Variants in EIF4G3 observed in about 807,000 individuals in gnomAD.
EIF4G3 encodes eIF-4-gamma 3.
Under a neutral mutation model 186.4 loss-of-function variants are expected in EIF4G3, and 34 were observed. That is an observed-to-expected ratio of 0.18 (90% CI 0.14 to 0.24). EIF4G3 has a LOEUF of 0.24. Among genes scored for constraint, EIF4G3 ranks in the 10% least tolerant of loss-of-function variants. The pLI is 1.00. For synonymous variants in EIF4G3, 673 were observed against 679.5 expected (o/e 0.99, Z 0.15); for missense variants, 1,536 against 1,948.5 (o/e 0.79, Z 3.99).
chr1:20,992,580 A>T (rs1241906576), intron 7 of EIF4G3, among the ~76,000 whole-genome samples: 2 of 152,130 alleles, frequency 1.3e-5, no homozygotes, highest in African/African-American at 4.8e-5. Flanking sequence ...GGTTTTATGA[A>T]GCTCATTATT....
In EIF4G3 at chr1:21,084,231, T is replaced by TA. The variant is rs763945357; in HGVS notation, c.-196+4906dup. ...TAGAACTACCTGAGACTGTGTAATT[T>TA]AAAAAAAAAAAAAAAAGAAAGAAAA... On this transcript the variant is annotated intron_variant, in intron 3 of 36. Coordinates refer to ENST00000602326, the MANE Select transcript of EIF4G3 (RefSeq NM_001391906.1). Among the ~76,000 whole-genome samples the TA allele has an allele frequency of 2.8e-3, 367 of 131,232 alleles. 2 individuals carry two copies. Among genetic ancestry groups the TA allele is most frequent in the Middle Eastern group, 0.012 (3 of 256 alleles). 86.1% of individuals were successfully genotyped at this position (131,232 alleles called of 152,430 possible).
At chr1:21,111,272 G>A (rs748281915) in intron 2 of EIF4G3, 1 of 470,690 alleles carries the variant, frequency 2.1e-6, no homozygotes, top group Non-Finnish European at 4.4e-6. Context: ...AGACTTTGAA[G>A]CTGGAAAAGA....
At chr1:20,862,620 T>C (rs1357741497) in intron 22 of EIF4G3, among the ~76,000 whole-genome samples, 2 of 152,084 alleles carry the variant, frequency 1.3e-5, no homozygotes, top group Non-Finnish European at 2.9e-5. Context: ...ATTATGTTGC[T>C]CAGGCTGGTC....
chr1:20,918,586 C>G (rs561587210), intron 14 of EIF4G3, among the ~76,000 whole-genome samples: 1 of 152,004 alleles, frequency 6.6e-6, no homozygotes, highest in South Asian at 2.1e-4. Flanking sequence ...CACTTAAAAT[C>G]CCTCCTAGCA....
chr1:21,155,586 C>CT (rs1416870003), intron 2 of EIF4G3, among the ~76,000 whole-genome samples: 1 of 152,076 alleles, frequency 6.6e-6, no homozygotes, highest in African/African-American at 2.4e-5. Flanking sequence ...ATCTCAGCCA[C>CT]TTGGGAGGCT....
chr1:20,818,180 G>A (rs772574491), intron 33 of EIF4G3, among the ~76,000 whole-genome samples: 1 of 152,014 alleles, frequency 6.6e-6, no homozygotes, highest in Non-Finnish European at 1.5e-5. Context: ...CTAGAAAAGG[G>A]TACAATTTCA....
chr1:21,016,630 G>C (rs565579728), intron 4 of EIF4G3, among the ~76,000 whole-genome samples: 25 of 152,196 alleles, frequency 1.6e-4, no homozygotes, highest in African/African-American at 6.0e-4. Context: ...CTGCACTCCA[G>C]CATGGGTGAC....
chr1:20,905,059 G>A (rs1031133940), intron 14 of EIF4G3, 88 bp from the exon 15 acceptor site: 1 of 999,250 alleles, frequency 1.0e-6, no homozygotes, highest in Non-Finnish European at 1.5e-6. Flanking sequence ...TTCAAATTAA[G>A]CAGGATAAAA....
intron 4 of EIF4G3, among the ~76,000 whole-genome samples, chr1:21,036,836 G>A (rs1423481138): frequency 1.3e-5 from 2 of 152,096 alleles, no homozygotes. Flanking sequence ...AGCCAAGATC[G>A]TGCCACTGCA....
At chr1:21,008,511 A>G (rs1222726516) in intron 4 of EIF4G3, among the ~76,000 whole-genome samples, 1 of 151,806 alleles carries the variant, frequency 6.6e-6, no homozygotes, top group Non-Finnish European at 1.5e-5. Context: ...TAATTTTTTT[A>G]TATTTTTAGT....
At position 21,090,899 on chromosome 1, in the gene EIF4G3, T is replaced by A. The variant is rs72654833; in HGVS notation, c.-271-1686A>T. Among the ~76,000 whole-genome samples the A allele has an allele frequency of 6.9e-3, 1,053 of 152,244 alleles. 4 individuals carry two copies. Among genetic ancestry groups the A allele is most frequent in the Middle Eastern group, 0.017 (5 of 292 alleles). ...CAACTAATATCAGGAGATAAAAAAA[T>A]AATGCAAAGGGTCTTTTTCTATATT... On this transcript the variant is annotated intron_variant, in intron 2 of 36. Transcript: ENST00000602326.
At chr1:21,018,078 A>C (rs184296731) in intron 4 of EIF4G3, among the ~76,000 whole-genome samples, 1 of 151,996 alleles carries the variant, frequency 6.6e-6, no homozygotes, top group East Asian at 1.9e-4. Flanking sequence ...AGTTGTGACT[A>C]CAGGCATGTG....
intron 2 of EIF4G3, among the ~76,000 whole-genome samples, chr1:21,120,011 A>G (rs1422421144): frequency 6.6e-6 from 1 of 151,942 alleles, no homozygotes; most frequent in African/African-American, 2.4e-5. Context: ...CACAATTATG[A>G]AAACATATGA....
intron 14 of EIF4G3, among the ~76,000 whole-genome samples, chr1:20,912,977 A>G (rs1448060914): frequency 6.6e-6 from 1 of 152,228 alleles, no homozygotes; most frequent in Non-Finnish European, 1.5e-5. Flanking sequence ...TGAAGATGTA[A>G]TGACCTGAAA....
intron 3 of EIF4G3, among the ~76,000 whole-genome samples, chr1:21,081,881 G>T (rs2095799401): frequency 1.3e-5 from 2 of 151,888 alleles, no homozygotes; most frequent in Admixed American, 1.3e-4. Flanking sequence ...GACCTCAAGT[G>T]ATCTAACCGC....
chr1:20,969,504 T>G lies in EIF4G3; in HGVS notation c.684A>C (p.Gly228=), dbSNP rs775332778. ...GGSRNPTPPI[G]RPTSTPTPPQ... ...GAGGAGTAGGTGTGGACGTGGGTCT[T>G]CCTATGGGTGGAGTAGGATTTCTGC... The change falls in exon 12 of 37, where the codon GGA becomes GGC. Residue 228 remains glycine (G), a synonymous_variant. Transcript: ENST00000602326. 6.2e-7 allele frequency: 1 copy of G among 1,613,954 alleles called. No individual in the cohort carries two copies. Among genetic ancestry groups the G allele is most frequent in the Non-Finnish European group, 8.5e-7 (1 of 1,179,880 alleles).
rs55649192 is a variant in EIF4G3, at chr1:21,075,570, C to CAAAAAAAAAAAAAAAAAAAAAAAA, written c.-196+13544_-196+13567dup. On this transcript the variant is annotated intron_variant, in intron 3 of 36. Coordinates refer to ENST00000602326, the MANE Select transcript of EIF4G3 (RefSeq NM_001391906.1). Reference sequence around the variant, plus strand: ...GGCAACAGAGTGAGACTCCAACTCACAAAAAAAAAAAAAAAAAAAAAAAAA... The same window carrying CAAAAAAAAAAAAAAAAAAAAAAAA: ...GGCAACAGAGTGAGACTCCAACTCACAAAAAAAAAAAAAAAAAAAAAAAAAAAAAAAAAAAAAAAAAAAAAAAAA... Among the ~76,000 whole-genome samples, 13 of 51,558 alleles carry CAAAAAAAAAAAAAAAAAAAAAAAA rather than the reference C, an allele frequency of 2.5e-4. 1 individual carries two copies. Among genetic ancestry groups the CAAAAAAAAAAAAAAAAAAAAAAAA allele is most frequent in the Admixed American group, 5.9e-4 (2 of 3,416 alleles). The allele number at this position is 51,558 out of a possible 152,430, so 33.8% of individuals were successfully genotyped here.
intron 16 of EIF4G3, among the ~76,000 whole-genome samples, chr1:20,896,435 C>CAAAAAAAAAAAAA (rs201025308): frequency 1.8e-5 from 1 of 54,658 alleles, no homozygotes; most frequent in African/African-American, 6.3e-5. Context: ...GATTCTATCT[C>CAAAAAAAAAAAAA]AAAAAAAAAA....
At chr1:20,845,771 C>G (rs2070763983) in intron 29 of EIF4G3, among the ~76,000 whole-genome samples, 1 of 152,052 alleles carries the variant, frequency 6.6e-6, no homozygotes, top group East Asian at 1.9e-4. Context: ...TTACGACTGC[C>G]TTGGCTATTT....
Sources: allele counts gnomAD v4.1 joint callset (sites outside exome capture counted in the v4.1 genomes callset), GRCh38; gene constraint gnomAD v4.1.1; transcripts MANE v1.5; gene names NCBI Gene and HGNC (gene_info 2026-07-23, HGNC 2026-07-21).